HK1: variants seen among roughly 807,000 people sequenced by gnomAD.
HK1 encodes the protein hexokinase 1, also known as hexokinase-1.
A neutral mutation model predicts 91.6 loss-of-function variants in HK1; 28 were observed. The ratio of observed to expected loss-of-function variants is 0.31; its 90% CI spans 0.23 to 0.42. HK1 has a LOEUF of 0.42. Ranked by LOEUF, HK1 falls within the 10% of genes least tolerant of loss-of-function variation. HK1 has a pLI of 1.00. For synonymous variants in HK1, 430 were observed against 468.1 expected (o/e 0.92, Z 1.05); for missense variants, 770 against 1,219.8 (o/e 0.63, Z 5.49).
upstream of HK1, among the ~76,000 whole-genome samples, chr10:69,311,905 G>C (rs1170746445): frequency 6.6e-6 from 1 of 152,176 alleles, no homozygotes; most frequent in Non-Finnish European, 1.5e-5. Flanking sequence ...AAAGTGCTGG[G>C]ATTATAGGCG....
intron 4 of HK1, among the ~76,000 whole-genome samples, chr10:69,296,804 C>G (rs1287327847): frequency 1.3e-5 from 2 of 152,164 alleles, no homozygotes; most frequent in African/African-American, 2.4e-5. Flanking sequence ...GAAACTCTGA[C>G]AGCATGGCCT....
intron 3 of HK1, among the ~76,000 whole-genome samples, chr10:69,295,033 GAGAA>G (rs1845489263): frequency 6.9e-6 from 1 of 144,560 alleles, no homozygotes; most frequent in Admixed American, 6.9e-5. Flanking sequence ...GAGAGAGAGA[GAGAA>G]AGAGAGACCC....
chr10:69,391,596 T>C (rs1165471607), intron 14 of HK1, among the ~76,000 whole-genome samples: 2 of 152,168 alleles, frequency 1.3e-5, no homozygotes, highest in Non-Finnish European at 2.9e-5. Flanking sequence ...GAGCCAAGAT[T>C]GCGCCGCTGC....
At chr10:69,300,576 T>A in intron 4 of HK1, 1 of 699,096 alleles carries the variant, frequency 1.4e-6, no homozygotes. Flanking sequence ...ATCTTTGAGT[T>A]GCACATCAAA....
intron 3 of HK1, among the ~76,000 whole-genome samples, chr10:69,289,270 GT>G (rs1487321957): frequency 6.6e-6 from 1 of 152,082 alleles, no homozygotes; most frequent in Non-Finnish European, 1.5e-5. Flanking sequence ...GGCCACTTGT[GT>G]TCTGACCAAG....
chr10:69,347,838 C>G (rs915376526), intron 2 of HK1, among the ~76,000 whole-genome samples: 1 of 152,166 alleles, frequency 6.6e-6, no homozygotes, highest in African/African-American at 2.4e-5. Context: ...GGATAAAGTT[C>G]TCCTTGGAGG....
intron 1 of HK1, among the ~76,000 whole-genome samples, chr10:69,276,041 G>A (rs1470936547): frequency 7.9e-6 from 1 of 126,544 alleles, no homozygotes; most frequent in African/African-American, 3.1e-5. Context: ...AGTGAGCCAA[G>A]ATTGTGTCAT....
chr10:69,395,367 G>A (rs967836357), intron 16 of HK1, among the ~76,000 whole-genome samples: 3 of 152,046 alleles, frequency 2.0e-5, no homozygotes, highest in Non-Finnish European at 4.4e-5. Context: ...CATGAGGTCA[G>A]GAGATTTGAG....
rs2132884007 is a variant in HK1, at chr10:69,382,477, C to T, written c.1266-10C>T. ...CAGCTGTTGTGGAATGTCCCCCCTG[C>T]CCCCATAAGGTATTCCCGGCGTTTC... On this transcript the variant is annotated splice_polypyrimidine_tract_variant and intron_variant, in intron 9 of 17. Transcript: ENST00000359426. The T allele has an allele frequency of 1.9e-6, 3 of 1,614,036 alleles. No homozygotes were observed. Among genetic ancestry groups the T allele is most frequent in the Non-Finnish European group, 1.7e-6 (2 of 1,179,870 alleles).
At chr10:69,293,930 C>T (rs10998699) in intron 3 of HK1, among the ~76,000 whole-genome samples, 27,734 of 142,438 alleles carry the variant, frequency 0.19, 3,372 homozygotes, top group Non-Finnish European at 0.27. Context: ...GGCGTGATCT[C>T]GGCTCACTGC....
At chr10:69,323,520 CAAA>C (rs11421011) in intron 1 of HK1, among the ~76,000 whole-genome samples, 4 of 95,296 alleles carry the variant, frequency 4.2e-5, no homozygotes, top group African/African-American at 4.0e-5. Flanking sequence ...GACTCTGTCT[CAAA>C]AAAAAAAAAA....
intron 1 of HK1, among the ~76,000 whole-genome samples, chr10:69,330,591 G>C (rs922471156): frequency 6.6e-6 from 1 of 152,126 alleles, no homozygotes; most frequent in African/African-American, 2.4e-5. Context: ...TAGTAATATG[G>C]CATTTGAGAA....
chr10:69,362,772 G>A (rs1044643180), intron 3 of HK1, among the ~76,000 whole-genome samples: 4 of 152,292 alleles, frequency 2.6e-5, no homozygotes, highest in African/African-American at 4.8e-5. Flanking sequence ...TGCAGATGGC[G>A]TGGGGCGCCA....
chr10:69,291,875 T>C (rs1845310682), intron 3 of HK1, among the ~76,000 whole-genome samples: 1 of 152,196 alleles, frequency 6.6e-6, no homozygotes, highest in Non-Finnish European at 1.5e-5. Context: ...TTAATTCTCA[T>C]GTAGGCTTGG....
intron 2 of HK1, among the ~76,000 whole-genome samples, chr10:69,344,723 C>T (rs1026867008): frequency 2.6e-5 from 4 of 152,186 alleles, no homozygotes; most frequent in African/African-American, 9.6e-5. Context: ...ACTGAGAAGT[C>T]GCAGTCTGGC....
chr10:69,320,108 A>C (rs1424258203), intron 1 of HK1, among the ~76,000 whole-genome samples: 1 of 152,082 alleles, frequency 6.6e-6, no homozygotes, highest in African/African-American at 2.4e-5. Context: ...TGCATCTAAG[A>C]TGACTCCCTC....
chr10:69,277,559 C>T (rs1297954414), intron 1 of HK1, among the ~76,000 whole-genome samples: 1 of 152,044 alleles, frequency 6.6e-6, no homozygotes. Flanking sequence ...CAGAGTAAGA[C>T]CCTGTGTCTA....
chr10:69,316,080 G>C (rs1846625586), upstream of HK1: 1 of 1,307,598 alleles, frequency 7.6e-7, no homozygotes, highest in African/African-American at 1.5e-5. Flanking sequence ...TGCTTGGTCA[G>C]GCAGAGGTGA....
At chr10:69,293,844 C>T (rs147505118) in intron 3 of HK1, among the ~76,000 whole-genome samples, 1 of 146,994 alleles carries the variant, frequency 6.8e-6, no homozygotes, top group Non-Finnish European at 1.5e-5. Flanking sequence ...GAAGCACAAG[C>T]ATATTTCTTT....
Sources: allele counts gnomAD v4.1 joint callset (sites outside exome capture counted in the v4.1 genomes callset), GRCh38; gene constraint gnomAD v4.1.1; transcripts MANE v1.5; gene names NCBI Gene and HGNC (gene_info 2026-07-23, HGNC 2026-07-21).